FRMD4A: variants seen among roughly 807,000 people sequenced by gnomAD.
FRMD4A encodes FERM domain containing 4A.
A neutral mutation model predicts 129.1 loss-of-function variants in FRMD4A; 29 were observed. The observed-to-expected ratio is 0.22, with a 90% confidence interval of 0.17 to 0.31. The LOEUF is 0.31. Among genes scored for constraint, FRMD4A ranks in the 10% least tolerant of loss-of-function variants. The pLI is 1.00. For missense variants in FRMD4A, 1,272 were observed against 1,375.8 expected (o/e 0.92, Z 1.19); for synonymous variants, 634 against 571.6 (o/e 1.11, Z -1.56).
chr10:13,762,053 C>T (rs112817845), intron 7 of FRMD4A, among the ~76,000 whole-genome samples: 20 of 152,298 alleles, frequency 1.3e-4, no homozygotes, highest in African/African-American at 4.3e-4. Context: ...CCCAATTATA[C>T]TGAAGACTCT....
intron 2 of FRMD4A, among the ~76,000 whole-genome samples, chr10:14,108,709 G>A (rs1419879841): frequency 1.3e-5 from 2 of 152,138 alleles, no homozygotes; most frequent in Admixed American, 6.5e-5. Flanking sequence ...GGAAAAATAA[G>A]ACAGAGAATT....
At chr10:13,810,238 T>C (rs867970464) in intron 4 of FRMD4A, among the ~76,000 whole-genome samples, 52 of 152,306 alleles carry the variant, frequency 3.4e-4, no homozygotes, top group African/African-American at 1.2e-3. Context: ...AAAAAGAAAA[T>C]GGAAATTTTA....
Position 14,182,449 on chromosome 10 carries a change from A to C in FRMD4A, c.45+147609T>G, listed in dbSNP as rs1463079281. On this transcript the variant is annotated intron_variant, in intron 2 of 24. Transcript: ENST00000357447. Reference sequence around the variant, plus strand: ...ATAGTTTCAGCTACTTGGAGGGCTAAGGCAGGAGGAGAGTTTGAGCCCAGG... The same window carrying C: ...ATAGTTTCAGCTACTTGGAGGGCTACGGCAGGAGGAGAGTTTGAGCCCAGG... 3.3e-5 allele frequency among the ~76,000 whole-genome samples: 5 copies of C among 152,238 alleles called. No individual in the cohort carries two copies. In the East Asian group the frequency reaches 9.6e-4, roughly 29 times the overall value.
At chr10:14,309,379 G>A (rs1022055182) in intron 2 of FRMD4A, among the ~76,000 whole-genome samples, 2 of 152,154 alleles carry the variant, frequency 1.3e-5, no homozygotes, top group African/African-American at 4.8e-5. Context: ...GAGCCAAGGA[G>A]GTCGAGGCTG....
intron 2 of FRMD4A, among the ~76,000 whole-genome samples, chr10:14,037,709 A>G (rs1394420806): frequency 6.6e-6 from 1 of 152,194 alleles, no homozygotes; most frequent in Non-Finnish European, 1.5e-5. Context: ...AGGTTATACC[A>G]ATTTATATCC....
chr10:14,084,964 CA>C (rs1490749441), intron 2 of FRMD4A, among the ~76,000 whole-genome samples: 3 of 152,150 alleles, frequency 2.0e-5, no homozygotes, highest in African/African-American at 7.2e-5. Flanking sequence ...TTGTCAATAA[CA>C]AACTATTTTT....
intron 4 of FRMD4A, among the ~76,000 whole-genome samples, chr10:13,800,070 T>C (rs1279167301): frequency 6.6e-6 from 1 of 151,940 alleles, no homozygotes; most frequent in Non-Finnish European, 1.5e-5. Flanking sequence ...TAATCCCAGC[T>C]ACTCAGGAGG....
chr10:13,752,210 G>GT (rs1479138049), intron 8 of FRMD4A, among the ~76,000 whole-genome samples: 1 of 152,248 alleles, frequency 6.6e-6, no homozygotes, highest in South Asian at 2.1e-4. Flanking sequence ...ATTTAGTGGT[G>GT]TTTTTTTCTT....
Position 13,915,318 on chromosome 10 carries a change from A to G in FRMD4A, c.46-56406T>C, listed in dbSNP as rs2094988576. Reference sequence around the variant, plus strand: ...GGAGCACGGTTTTCTTCGAGATTAGATGTGTTAAGTGCTGGTGCATGGAAG... The same window carrying G: ...GGAGCACGGTTTTCTTCGAGATTAGGTGTGTTAAGTGCTGGTGCATGGAAG... On this transcript the variant is annotated intron_variant, in intron 2 of 24. Transcript: ENST00000357447. Among the ~76,000 whole-genome samples, 3 of 151,826 alleles carry G rather than the reference A, an allele frequency of 2.0e-5. No homozygotes were observed. In the South Asian group the frequency reaches 6.3e-4, roughly 32 times the overall value.
At chr10:14,294,884 C>T (rs1845961117) in intron 2 of FRMD4A, among the ~76,000 whole-genome samples, 1 of 152,204 alleles carries the variant, frequency 6.6e-6, no homozygotes, top group South Asian at 2.1e-4. Context: ...CATCTGCCCT[C>T]AGAATCATTC....
chr10:13,787,504 C>T (rs559732088), intron 5 of FRMD4A, among the ~76,000 whole-genome samples: 1 of 152,060 alleles, frequency 6.6e-6, no homozygotes. Context: ...CTCTGTCACT[C>T]AGGCTGGAGT....
At chr10:14,261,941 A>AAC (rs55763234) in intron 2 of FRMD4A, among the ~76,000 whole-genome samples, 14,097 of 127,980 alleles carry the variant, frequency 0.11, 740 homozygotes, top group African/African-American at 0.13. Context: ...CACCACACCA[A>AAC]ACACACACAC....
intron 5 of FRMD4A, among the ~76,000 whole-genome samples, chr10:13,786,841 G>A (rs1052910019): frequency 5.3e-5 from 8 of 152,116 alleles, no homozygotes; most frequent in African/African-American, 1.9e-4. Flanking sequence ...TATAAGGTCT[G>A]AAATAACTTA....
At chr10:14,142,122 T>TAA (rs200253071) in intron 2 of FRMD4A, among the ~76,000 whole-genome samples, 1 of 150,730 alleles carries the variant, frequency 6.6e-6, no homozygotes, top group African/African-American at 2.4e-5. Context: ...CATTTTTATT[T>TAA]TAAAAAAAAA....
chr10:14,282,452 G>A (rs1051665914), intron 2 of FRMD4A, among the ~76,000 whole-genome samples: 6 of 152,136 alleles, frequency 3.9e-5, no homozygotes, highest in Admixed American at 1.3e-4. Flanking sequence ...CTAATAAAAT[G>A]AGTAATCGCC....
At chr10:14,216,501 T>A (rs2131964162) in intron 2 of FRMD4A, among the ~76,000 whole-genome samples, 1 of 152,226 alleles carries the variant, frequency 6.6e-6, no homozygotes, top group East Asian at 1.9e-4. Context: ...TGAAACCCCA[T>A]CTCTAAAAAT....
rs1564319315 is a variant in FRMD4A, at chr10:14,127,972, T to TTCTC, written c.45+202085_45+202086insGAGA. On this transcript the variant is annotated intron_variant, in intron 2 of 24. Transcript: ENST00000357447. ...TTTCTTTCTTTCTTTCTTTCTTTCT[T>TTCTC]TCTTTCCTTCTCTCTCTCTCTCTCT... Among the ~76,000 whole-genome samples, 141 of 26,958 alleles carry TTCTC rather than the reference T, an allele frequency of 5.2e-3. 5 individuals are homozygous for TTCTC. Among genetic ancestry groups the TTCTC allele is most frequent in the African/African-American group, 0.019 (134 of 7,062 alleles). 17.7% of individuals were successfully genotyped at this position (26,958 alleles called of 152,430 possible).
At chr10:14,061,835 G>A (rs1025377785) in intron 2 of FRMD4A, among the ~76,000 whole-genome samples, 1 of 152,212 alleles carries the variant, frequency 6.6e-6, no homozygotes, top group Admixed American at 6.5e-5. Flanking sequence ...GATACCATAT[G>A]AGCCACAGGA....
chr10:13,926,978 G>A (rs2095140384), intron 2 of FRMD4A, among the ~76,000 whole-genome samples: 1 of 152,180 alleles, frequency 6.6e-6, no homozygotes, highest in African/African-American at 2.4e-5. Flanking sequence ...TAGAGACCAG[G>A]TGTGGTGGCT....
Sources: allele counts gnomAD v4.1 joint callset (sites outside exome capture counted in the v4.1 genomes callset), GRCh38; gene constraint gnomAD v4.1.1; transcripts MANE v1.5; gene names NCBI Gene and HGNC (gene_info 2026-07-23, HGNC 2026-07-21).